Variants in SNHG17 observed in about 807,000 individuals in gnomAD.
SNHG17 encodes small nucleolar RNA host gene 17.
chr20:38,431,440 C>T (rs530691213), intron 2 of SNHG17, among the ~76,000 whole-genome samples: 10 of 152,318 alleles, frequency 6.6e-5, no homozygotes, highest in African/African-American at 1.9e-4. Context: ...TGGAGACCAA[C>T]GTCAGAAGCC....
intron 5 of SNHG17, among the ~76,000 whole-genome samples, chr20:38,425,557 C>G (rs754263050): frequency 1.4e-4 from 22 of 152,194 alleles, no homozygotes; most frequent in African/African-American, 2.2e-4. Flanking sequence ...GCTCCAGATC[C>G]AAAACTTCTG....
exon 1 of SNHG17, chr20:38,435,205 C>G (rs1036812445): frequency 1.6e-6 from 2 of 1,231,946 alleles, no homozygotes; most frequent in African/African-American, 1.6e-5. Context: ...ACCCGGCGCC[C>G]TGGCGTCGAG....
intron 2 of SNHG17, among the ~76,000 whole-genome samples, chr20:38,433,273 G>C (rs1465737829): frequency 2.0e-5 from 3 of 152,146 alleles, no homozygotes; most frequent in Admixed American, 1.3e-4. Context: ...ATTGCACCCG[G>C]CCCATCTCCT....
chr20:38,427,488 G>A (rs764785818), intron 3 of SNHG17: 1 of 485,866 alleles, frequency 2.1e-6, no homozygotes, highest in Admixed American at 2.1e-5. Context: ...GATGGTGCCA[G>A]GGCCTGTGGG....
intron 5 of SNHG17, chr20:38,425,162 T>C (rs1376714736): frequency 3.9e-6 from 2 of 511,274 alleles, no homozygotes; most frequent in Admixed American, 3.9e-5. Context: ...GACAACCAGG[T>C]ACCAGGAGGT....
chr20:38,432,141 G>A, intron 2 of SNHG17: 1 of 985,468 alleles, frequency 1.0e-6, no homozygotes, highest in Non-Finnish European at 1.2e-6. Flanking sequence ...TTCTGGAAAG[G>A]ACAAGGAGAG....
At chr20:38,423,217 C>T (rs1274310661) in intron 5 of SNHG17, among the ~76,000 whole-genome samples, 1 of 150,812 alleles carries the variant, frequency 6.6e-6, no homozygotes, top group South Asian at 2.1e-4. Context: ...GGCAACATCG[C>T]GAAACCCCAT....
chr20:38,432,799 G>A (rs1479396856), intron 2 of SNHG17, among the ~76,000 whole-genome samples: 5 of 151,650 alleles, frequency 3.3e-5, no homozygotes, highest in African/African-American at 7.3e-5. Context: ...ACCTCCTGGC[G>A]CATGCCACCA....
At chr20:38,434,002 A>C (rs373415288) in intron 2 of SNHG17, 1 of 518,996 alleles carries the variant, frequency 1.9e-6, no homozygotes, top group Non-Finnish European at 3.8e-6. Flanking sequence ...TACAGGTGCA[A>C]AAAAGGGCAG....
chr20:38,430,352 G>A lies in SNHG17; in HGVS notation n.380+689C>T, dbSNP rs552551274. 6.2e-4 allele frequency among the ~76,000 whole-genome samples: 94 copies of A among 151,976 alleles called. 2 individuals carry two copies. Among genetic ancestry groups the A allele is most frequent in the African/African-American group, 2.1e-3 (87 of 41,444 alleles). On this transcript the variant is annotated intron_variant and non_coding_transcript_variant, in intron 3 of 8. Transcript: ENST00000654008. Reference sequence around the variant, plus strand: ...AAAAATAAAAATAAAAAAATAGGCCGGGCACAGTGGCTCACACCTGTAATC... The same window carrying A: ...AAAAATAAAAATAAAAAAATAGGCCAGGCACAGTGGCTCACACCTGTAATC...
At position 38,433,634 on chromosome 20, in the gene SNHG17, G is replaced by C. The variant is rs974103709; in HGVS notation, n.308+870C>G. 2.6e-5 allele frequency among the ~76,000 whole-genome samples: 4 copies of C among 152,152 alleles called. No individual in the cohort carries two copies. In the East Asian group the frequency reaches 7.7e-4, roughly 29 times the overall value. On this transcript the variant is annotated intron_variant and non_coding_transcript_variant, in intron 2 of 8. Transcript: ENST00000654008. ...AATATTAAACAAAACTCAAGACACT[G>C]TCCTCAAGGTCACAATAGAGAGAGG...
At chr20:38,425,911 T>C (rs2084238714) in intron 5 of SNHG17, 1 of 152,864 alleles carries the variant, frequency 6.5e-6, no homozygotes, top group Admixed American at 6.5e-5. Context: ...TTTCTAAAAA[T>C]TAGCTGGGTG....
exon 1 of SNHG17, chr20:38,435,307 C>T: frequency 2.4e-6 from 3 of 1,231,364 alleles, no homozygotes; most frequent in Non-Finnish European, 3.0e-6. Flanking sequence ...TGGCGAAGGA[C>T]GGCGAGGGAC....
At chr20:38,425,527 C>T (rs111597668) in intron 5 of SNHG17, among the ~76,000 whole-genome samples, 60 of 152,224 alleles carry the variant, frequency 3.9e-4, no homozygotes, top group African/African-American at 1.4e-3. Flanking sequence ...ACCTGGAGAC[C>T]ATGTTAAGCC....
chr20:38,426,300 C>T (rs1004286384), intron 4 of SNHG17: 11 of 152,282 alleles, frequency 7.2e-5, no homozygotes, highest in Admixed American at 6.5e-4. Flanking sequence ...CCCTGTGGGC[C>T]TCAGTGGAAG....
intron 1 of SNHG17, chr20:38,435,180 C>T: frequency 1.6e-6 from 2 of 1,232,298 alleles, no homozygotes; most frequent in Non-Finnish European, 2.0e-6. Context: ...CGACCATGCG[C>T]CCTGCTGTGG....
chr20:38,429,499 C>T (rs1485611881), intron 3 of SNHG17, among the ~76,000 whole-genome samples: 1 of 152,124 alleles, frequency 6.6e-6, no homozygotes, highest in Non-Finnish European at 1.5e-5. Context: ...GCAGGGCAGC[C>T]CTATCTCAGC....
chr20:38,429,478 G>A (rs955141355), intron 3 of SNHG17: 55 of 249,818 alleles, frequency 2.2e-4, no homozygotes, highest in African/African-American at 1.1e-3. Context: ...GAAAGCTTCC[G>A]GGAGGAAGGA....
intron 1 of SNHG17, chr20:38,434,701 G>A (rs190338234): frequency 4.1e-4 from 132 of 319,202 alleles, no homozygotes; most frequent in Non-Finnish European, 5.8e-4. Context: ...CTGCCCCACT[G>A]GAGTGCTGGC....
Sources: gnomAD v4.1 joint callset for allele counts (sites outside exome capture counted in the v4.1 genomes callset) on GRCh38, gnomAD v4.1.1 for gene constraint, MANE v1.5 for transcripts, NCBI Gene and HGNC (gene_info 2026-07-23, HGNC 2026-07-21) for gene names.